APBA2: variants seen among roughly 807,000 people sequenced by gnomAD.
APBA2 encodes the protein amyloid-beta A4 precursor protein-binding family A member 2.
In APBA2, 30 loss-of-function variants were observed where a neutral mutation model predicts 75.0. That is an observed-to-expected ratio of 0.40 (90% CI 0.30 to 0.54). The LOEUF is 0.54. Ranked by LOEUF, APBA2 falls within the 20% of genes least tolerant of loss-of-function variation. The pLI is 0.49. For synonymous variants in APBA2, 444 were observed against 409.6 expected (o/e 1.08, Z -1.01); for missense variants, 801 against 1,016.1 (o/e 0.79, Z 2.88).
intron 2 of APBA2, among the ~76,000 whole-genome samples, chr15:28,960,372 AG>A (rs1400450636): frequency 6.6e-6 from 1 of 151,636 alleles, no homozygotes; most frequent in East Asian, 1.9e-4. Flanking sequence ...CTGAGGCAGG[AG>A]GATTGCCTGA....
chr15:29,073,911 A>G (rs569048184), intron 4 of APBA2, among the ~76,000 whole-genome samples: 2 of 152,332 alleles, frequency 1.3e-5, no homozygotes, highest in South Asian at 4.1e-4. Flanking sequence ...GTCTTCTTTA[A>G]GAGAAGACTT....
chr15:28,961,654 A>G (rs894154383), intron 2 of APBA2: 1 of 152,150 alleles, frequency 6.6e-6, no homozygotes, highest in African/African-American at 2.4e-5. Context: ...CGGGCGGGTG[A>G]CTGAGGCGCC....
chr15:28,904,775 G>A (rs1362775480), intron 1 of APBA2, among the ~76,000 whole-genome samples: 1 of 152,220 alleles, frequency 6.6e-6, no homozygotes, highest in Non-Finnish European at 1.5e-5. Flanking sequence ...TTCCTAGGCT[G>A]GCTGGTGGTG....
At position 29,075,135 on chromosome 15, in the gene APBA2, G is replaced by A; in HGVS notation, c.1032+134G>A. 3 of 760,926 alleles carry A rather than the reference G, an allele frequency of 3.9e-6. No individual in the cohort carries two copies. In the South Asian group the frequency reaches 4.4e-5, roughly 11 times the overall value. 47.1% of individuals were successfully genotyped at this position (760,926 alleles called of 1,614,324 possible). ...CGGTGCCTGGGGGAGAGGGAGTCCA[G>A]GTCAGGCCAAGTTGGTGTCACCATA... is the stretch of plus-strand genomic sequence containing the variant. On this transcript the variant is annotated intron_variant, in intron 5 of 14. Coordinates refer to ENST00000683413, the MANE Select transcript of APBA2 (RefSeq NM_001353788.2).
chr15:28,990,210 G>A (rs748589382), intron 2 of APBA2, among the ~76,000 whole-genome samples: 2 of 152,104 alleles, frequency 1.3e-5, no homozygotes, highest in African/African-American at 4.8e-5. Context: ...AGGAGTTCAA[G>A]ACCAGCCTGG....
intron 2 of APBA2, among the ~76,000 whole-genome samples, chr15:28,993,520 C>T (rs2038346906): frequency 6.6e-6 from 1 of 151,930 alleles, no homozygotes; most frequent in Admixed American, 6.6e-5. Flanking sequence ...ATTCCTCCAC[C>T]CTCCGCAAAG....
chr15:29,076,602 C>T (rs766470712), intron 6 of APBA2, among the ~76,000 whole-genome samples: 6 of 152,054 alleles, frequency 3.9e-5, no homozygotes, highest in South Asian at 2.1e-4. Flanking sequence ...CTGGCTTTGA[C>T]GGAGCTGAGC....
At chr15:29,091,511 G>T (rs1392457546) in intron 6 of APBA2, among the ~76,000 whole-genome samples, 2 of 152,172 alleles carry the variant, frequency 1.3e-5, no homozygotes, top group Non-Finnish European at 2.9e-5. Context: ...GTTTCCCAGA[G>T]AGATAGATGA....
intron 2 of APBA2, among the ~76,000 whole-genome samples, chr15:28,993,644 G>A (rs2038354752): frequency 6.6e-6 from 1 of 152,184 alleles, no homozygotes; most frequent in Non-Finnish European, 1.5e-5. Context: ...TGCTGCTATT[G>A]CTCCTGGGCG....
At chr15:29,002,371 C>G (rs572522808) in intron 3 of APBA2, among the ~76,000 whole-genome samples, 5 of 152,308 alleles carry the variant, frequency 3.3e-5, no homozygotes, top group African/African-American at 1.2e-4. Flanking sequence ...TCTAGGGCTG[C>G]TGTGAACTAA....
chr15:28,892,663 G>A (rs1219238357), intron 1 of APBA2, among the ~76,000 whole-genome samples: 3 of 151,696 alleles, frequency 2.0e-5, no homozygotes, highest in African/African-American at 7.3e-5. Flanking sequence ...GTGTGTATGT[G>A]TACGTATATA....
At chr15:29,096,443 T>G (rs917426992) in intron 8 of APBA2, among the ~76,000 whole-genome samples, 1 of 152,236 alleles carries the variant, frequency 6.6e-6, no homozygotes, top group African/African-American at 2.4e-5. Flanking sequence ...ACTTCTGGCT[T>G]GACCTACTTT....
chr15:28,950,796 G>A (rs67340830), intron 2 of APBA2, among the ~76,000 whole-genome samples: 40,532 of 151,934 alleles, frequency 0.27, 9,688 homozygotes, highest in African/African-American at 0.62. Flanking sequence ...TCTGTATGGG[G>A]GACTTATCTA....
intron 3 of APBA2, among the ~76,000 whole-genome samples, chr15:28,997,871 G>A (rs2038617037): frequency 6.6e-6 from 1 of 152,316 alleles, no homozygotes; most frequent in East Asian, 1.9e-4. Flanking sequence ...TCACCCATCT[G>A]CAGTGTAATA....
Position 29,107,589 on chromosome 15 carries a change from G to C in APBA2, c.1918-681G>C, listed in dbSNP as rs546254117. On this transcript the variant is annotated intron_variant, in intron 12 of 14. Coordinates refer to ENST00000683413, the MANE Select transcript of APBA2 (RefSeq NM_001353788.2). ...ATAGACTGGCTCTCGGAGCTGGCCCGGCAGAGCGTCTGCCCGATGGGCAGC... is the reference window on the plus strand; with the variant it reads ...ATAGACTGGCTCTCGGAGCTGGCCCCGCAGAGCGTCTGCCCGATGGGCAGC... Among the ~76,000 whole-genome samples, 6 of 152,294 alleles carry C rather than the reference G, an allele frequency of 3.9e-5. No individual in the cohort carries two copies. The East Asian group carries it at 1.2e-3, about 30-fold the overall frequency.
rs1430484191 is a variant in APBA2, at chr15:28,969,144, CTTTCTTTCTTTCTTTCTTTCTTTCTTTCT to C, written c.-94-26606_-94-26578del. Among the ~76,000 whole-genome samples the C allele has an allele frequency of 2.5e-3, 185 of 74,818 alleles. 1 individual carries two copies. The African/African-American group carries it at 0.073, about 29-fold the overall frequency. The allele number at this position is 74,818 out of a possible 152,430, so 49.1% of individuals were successfully genotyped here. ...TTCATTTCTTTTTCTTTCTTTCTTT[CTTTCTTTCTTTCTTTCTTTCTTTCTTTCT>C]TTCTTTCTTTTTTTTATTTTTTATT... On this transcript the variant is annotated intron_variant, in intron 2 of 14. Coordinates refer to ENST00000683413, the MANE Select transcript of APBA2 (RefSeq NM_001353788.2).
intron 2 of APBA2, among the ~76,000 whole-genome samples, chr15:28,956,085 T>A (rs535996979): frequency 1.3e-5 from 2 of 152,320 alleles, no homozygotes; most frequent in Non-Finnish European, 2.9e-5. Context: ...CTGTGGTTTC[T>A]AGTTTTTATC....
chr15:29,105,222 C>T (rs191894249), intron 10 of APBA2, among the ~76,000 whole-genome samples, 157 bp from the exon 11 acceptor site: 1 of 152,216 alleles, frequency 6.6e-6, no homozygotes, highest in Admixed American at 6.5e-5. Context: ...TGAGGGAGGG[C>T]CCCCAGTTTC....
intron 3 of APBA2, among the ~76,000 whole-genome samples, chr15:29,044,839 A>G (rs374699180): frequency 3.3e-5 from 5 of 152,130 alleles, no homozygotes; most frequent in Admixed American, 6.6e-5. Context: ...AACACCATAG[A>G]CTTGGTGGCT....
Sources: allele counts gnomAD v4.1 joint callset (sites outside exome capture counted in the v4.1 genomes callset), GRCh38; gene constraint gnomAD v4.1.1; transcripts MANE v1.5; gene names NCBI Gene and HGNC (gene_info 2026-07-23, HGNC 2026-07-21).